The following TRHDE variants were observed in gnomAD, a reference collection of about 807,000 sequenced individuals.
The protein encoded by TRHDE is thyrotropin-releasing hormone-degrading ectoenzyme.
A neutral mutation model predicts 125.7 loss-of-function variants in TRHDE; 72 were observed. That is an observed-to-expected ratio of 0.57 (90% CI 0.47 to 0.70). TRHDE has a LOEUF of 0.70. Among genes scored for constraint, TRHDE ranks in the 30% least tolerant of loss-of-function variants. The pLI is 0.00. For missense variants in TRHDE, 1,110 were observed against 1,327.1 expected (o/e 0.84, Z 2.54); for synonymous variants, 509 against 509.1 (o/e 1.00, Z 0.00).
At position 72,273,837 on chromosome 12, in the gene TRHDE, T is replaced by C; in HGVS notation, c.914+280T>C. 2.5e-6 allele frequency: 1 copy of C among 393,562 alleles called. No homozygotes were observed. The highest frequency in any genetic ancestry group is 3.9e-5 in the Admixed American group (1 of 25,600). The allele number at this position is 393,562 out of a possible 1,614,324, so 24.4% of individuals were successfully genotyped here. A position where few individuals can be genotyped will look rare whatever the true frequency, so the allele number is the denominator to read the frequency against. The stretch of plus-strand genomic sequence containing the variant: ...CTCTCCTCTTCCTGTCAGAGTTCCT[T>C]AGCCATCGAAACGCAGGGCTCTTTT... On this transcript the variant is annotated intron_variant, in intron 1 of 18. Transcript: ENST00000261180. The surrounding 1 kb of genome is among the most constrained non-coding windows in gnomAD (Gnocchi z 5.3).
chr12:72,467,583 G>A (rs766543450), intron 3 of TRHDE, among the ~76,000 whole-genome samples: 2 of 152,170 alleles, frequency 1.3e-5, no homozygotes, highest in Non-Finnish European at 2.9e-5. Context: ...TTGGGAGGCC[G>A]AGGTGGGTGG....
intron 12 of TRHDE, among the ~76,000 whole-genome samples, chr12:72,594,380 G>A (rs764958919): frequency 1.3e-5 from 2 of 151,642 alleles, no homozygotes; most frequent in African/African-American, 2.4e-5. Flanking sequence ...CACCATGCCC[G>A]GCTAATTTTG....
At chr12:72,511,977 ATTG>A (rs1193204376) in intron 6 of TRHDE, among the ~76,000 whole-genome samples, 4 of 152,142 alleles carry the variant, frequency 2.6e-5, no homozygotes, top group Admixed American at 6.6e-5. Context: ...GTCACATTGT[ATTG>A]TTGTTAACTA....
At chr12:72,436,325 G>C (rs539023923) in intron 3 of TRHDE, among the ~76,000 whole-genome samples, 1 of 151,954 alleles carries the variant, frequency 6.6e-6, no homozygotes, top group East Asian at 1.9e-4. Flanking sequence ...AGTATGACCA[G>C]ACTTATTTCT....
intron 2 of TRHDE, among the ~76,000 whole-genome samples, chr12:72,213,819 C>G (rs1264237383): frequency 6.6e-6 from 1 of 152,104 alleles, no homozygotes; most frequent in Non-Finnish European, 1.5e-5. Context: ...TATTATGGTA[C>G]AACCCATATC....
At chr12:72,172,035 A>G (rs868304390) in intron 2 of TRHDE, among the ~76,000 whole-genome samples, 6 of 152,162 alleles carry the variant, frequency 3.9e-5, no homozygotes, top group South Asian at 2.1e-4. Context: ...GGTTCTAGAC[A>G]TTTAATGGAG....
intron 2 of TRHDE, among the ~76,000 whole-genome samples, chr12:72,361,150 C>T (rs1035755673): frequency 2.0e-5 from 3 of 151,814 alleles, no homozygotes; most frequent in Admixed American, 1.3e-4. Context: ...TCTCCTTTTA[C>T]TTCTTTGTTA....
At chr12:72,367,004 G>A (rs540064655) in intron 2 of TRHDE, among the ~76,000 whole-genome samples, 1 of 152,100 alleles carries the variant, frequency 6.6e-6, no homozygotes, top group South Asian at 2.1e-4. Context: ...ATGTCTTTCT[G>A]CAATGTGTTT....
intron 2 of TRHDE, among the ~76,000 whole-genome samples, chr12:72,203,907 C>T (rs1454048720): frequency 1.3e-5 from 2 of 152,096 alleles, no homozygotes; most frequent in Admixed American, 1.3e-4. Flanking sequence ...AGCTGCTCTC[C>T]CTTTGACCCA....
chr12:72,294,455 T>C (rs1880210873), intron 2 of TRHDE, among the ~76,000 whole-genome samples: 1 of 152,130 alleles, frequency 6.6e-6, no homozygotes, highest in Non-Finnish European at 1.5e-5. Context: ...AGGTAGCTTC[T>C]CTCTGCAGCT....
chr12:72,356,495 C>T (rs1345525336), intron 2 of TRHDE, among the ~76,000 whole-genome samples: 1 of 150,878 alleles, frequency 6.6e-6, no homozygotes, highest in African/African-American at 2.4e-5. Context: ...CACGAGTTTA[C>T]CTATATAACA....
intron 3 of TRHDE, among the ~76,000 whole-genome samples, chr12:72,390,207 C>G (rs1036424787): frequency 6.6e-6 from 1 of 152,058 alleles, no homozygotes; most frequent in Non-Finnish European, 1.5e-5. Flanking sequence ...TAGCAAGATA[C>G]GTAATTTGTA....
intron 2 of TRHDE, among the ~76,000 whole-genome samples, chr12:72,127,639 A>G (rs2139305514): frequency 6.6e-6 from 1 of 152,306 alleles, no homozygotes; most frequent in Admixed American, 6.5e-5. Context: ...ATGAGTACTC[A>G]TGGACATAAA....
chr12:72,239,967 C>T (rs1373310594), intron 2 of TRHDE, among the ~76,000 whole-genome samples: 2 of 152,154 alleles, frequency 1.3e-5, no homozygotes, highest in African/African-American at 4.8e-5. Flanking sequence ...CAAATCTGTT[C>T]TTTCAACAAT....
chr12:72,321,894 C>A (rs188392132), intron 2 of TRHDE, among the ~76,000 whole-genome samples: 156 of 152,050 alleles, frequency 1.0e-3, no homozygotes, highest in African/African-American at 3.5e-3. Context: ...CACACACACC[C>A]CCTAAGAGTC....
At chr12:72,634,423 CTTT>C (rs779986201) in intron 15 of TRHDE, among the ~76,000 whole-genome samples, 3 of 134,430 alleles carry the variant, frequency 2.2e-5, no homozygotes, top group Admixed American at 1.5e-4. Context: ...GGAATATTTT[CTTT>C]TTTTTTTTTT....
chr12:72,488,166 A>G (rs1255897635), intron 5 of TRHDE, among the ~76,000 whole-genome samples: 2 of 152,120 alleles, frequency 1.3e-5, no homozygotes, highest in African/African-American at 4.8e-5. Context: ...TAACCTATCA[A>G]TAATAACCTT....
chr12:72,327,568 A>T (rs897593915), intron 2 of TRHDE, among the ~76,000 whole-genome samples: 9 of 152,194 alleles, frequency 5.9e-5, no homozygotes, highest in Non-Finnish European at 1.3e-4. Flanking sequence ...CACTATATTT[A>T]TAGTAACATT....
chr12:72,240,590 G>A (rs1016430465), intron 2 of TRHDE, among the ~76,000 whole-genome samples: 2 of 150,284 alleles, frequency 1.3e-5, no homozygotes, highest in Non-Finnish European at 3.0e-5. Flanking sequence ...TGTTTTTTGA[G>A]ACAGAGTCTC....
Sources: gnomAD v4.1 joint callset for allele counts (sites outside exome capture counted in the v4.1 genomes callset) on GRCh38, gnomAD v4.1.1 for gene constraint, Gnocchi (gnomAD v3.1) non-coding constraint, MANE v1.5 for transcripts, NCBI Gene and HGNC (gene_info 2026-07-23, HGNC 2026-07-21) for gene names.